MAST4: variants seen among roughly 807,000 people sequenced by gnomAD.
MAST4 encodes microtubule-associated serine/threonine-protein kinase 4.
Under a neutral mutation model 162.7 loss-of-function variants are expected in MAST4, and 89 were observed. That is an observed-to-expected ratio of 0.55 (90% CI 0.46 to 0.65). The LOEUF is 0.65. Ranked by LOEUF, MAST4 falls within the 30% of genes least tolerant of loss-of-function variation. The probability of loss-of-function intolerance (pLI) is 0.00; values close to 1 mark genes in which losing one functional copy is unlikely to be tolerated. For missense variants in MAST4, 3,153 were observed against 3,374.0 expected (o/e 0.93, Z 1.62); for synonymous variants, 1,479 against 1,361.1 (o/e 1.09, Z -1.91).
intron 4 of MAST4, among the ~76,000 whole-genome samples, chr5:67,015,558 G>A (rs559959466): frequency 3.3e-5 from 5 of 152,168 alleles, no homozygotes; most frequent in Middle Eastern, 3.2e-3. Context: ...TGTTTTTGCC[G>A]TCTAGTCCTA....
chr5:66,997,030 T>G (rs868503479), intron 4 of MAST4, among the ~76,000 whole-genome samples: 2 of 152,224 alleles, frequency 1.3e-5, no homozygotes, highest in Non-Finnish European at 2.9e-5. Context: ...TACCTTTGGC[T>G]TTTTCCCAAC....
chr5:66,860,884 C>T (rs1760065004), intron 3 of MAST4, among the ~76,000 whole-genome samples: 1 of 151,892 alleles, frequency 6.6e-6, no homozygotes, highest in Non-Finnish European at 1.5e-5. Context: ...AGTATGCTGA[C>T]AGCATGGGAA....
chr5:66,795,490 G>T (rs983288919), intron 3 of MAST4, among the ~76,000 whole-genome samples: 2 of 152,128 alleles, frequency 1.3e-5, no homozygotes, highest in Non-Finnish European at 2.9e-5. Context: ...TAGGAATGCC[G>T]TACAAATTTA....
intron 21 of MAST4, 151 bp downstream of exon 21, chr5:67,142,684 C>T (rs1192952213): frequency 3.3e-6 from 2 of 607,814 alleles, no homozygotes; most frequent in Admixed American, 3.0e-5. Context: ...AAGTGACCTC[C>T]TCAACTTATA....
At chr5:67,081,874 ATG>A (rs749422987) in intron 5 of MAST4, among the ~76,000 whole-genome samples, 10 of 152,206 alleles carry the variant, frequency 6.6e-5, no homozygotes, top group Non-Finnish European at 1.2e-4. Flanking sequence ...GACATTTTAA[ATG>A]TGTTTCAGAA....
chr5:66,920,279 G>A (rs974294588), intron 4 of MAST4, among the ~76,000 whole-genome samples: 3 of 151,804 alleles, frequency 2.0e-5, no homozygotes, highest in Non-Finnish European at 2.9e-5. Flanking sequence ...CCCTACTCTC[G>A]TTTGAATCAT....
Position 67,165,167 on chromosome 5 carries a change from C to T in MAST4, c.5988C>T (p.Pro1996=), listed in dbSNP as rs747278265. The change falls in exon 29 of 29, where the codon CCC becomes CCT. Residue 1996 remains proline, a synonymous_variant. Transcript: ENST00000403625. ...SAARADTCRE[P]SMELCFPETA... is the part of the protein sequence containing the mutation. ...CGAGGGCTGACACATGCAGAGAGCCCTCCATGGAACTGTGCTTTCCAGAAA... is the reference window on the plus strand; with the variant it reads ...CGAGGGCTGACACATGCAGAGAGCCTTCCATGGAACTGTGCTTTCCAGAAA... 1 of 1,601,746 alleles carries T rather than the reference C, an allele frequency of 6.2e-7. No individual in the cohort carries two copies. The highest frequency in any genetic ancestry group is 1.1e-5 in the South Asian group (1 of 89,244).
At chr5:66,919,950 TTCCTTCCTTCCTTCCTTCC>T (rs1764406408) in intron 4 of MAST4, among the ~76,000 whole-genome samples, 1 of 133,358 alleles carries the variant, frequency 7.5e-6, no homozygotes, top group African/African-American at 3.1e-5. Flanking sequence ...CCTTCCTTCC[TTCCTTCCTTCCTTCCTTCC>T]TTCCTTCTTT....
At chr5:67,045,652 G>A (rs1254746886) in intron 4 of MAST4, among the ~76,000 whole-genome samples, 1 of 152,164 alleles carries the variant, frequency 6.6e-6, no homozygotes, top group East Asian at 1.9e-4. Context: ...GCAAAATTAA[G>A]TAGAGAGTTT....
chr5:66,987,117 T>G (rs1581116241), intron 4 of MAST4, among the ~76,000 whole-genome samples: 2 of 144,434 alleles, frequency 1.4e-5, no homozygotes, highest in African/African-American at 4.9e-5. Context: ...TTAGCTGAGG[T>G]TTTTTTTTAA....
chr5:66,642,594 CAA>C (rs1745558223), intron 1 of MAST4, among the ~76,000 whole-genome samples: 1 of 152,126 alleles, frequency 6.6e-6, no homozygotes, highest in African/African-American at 2.4e-5. Flanking sequence ...ACAGAGGAAA[CAA>C]GAATGACTGC....
intron 3 of MAST4, among the ~76,000 whole-genome samples, chr5:66,884,910 T>A (rs1761938321): frequency 6.6e-6 from 1 of 152,226 alleles, no homozygotes; most frequent in Admixed American, 6.5e-5. Flanking sequence ...AGGGCACAGT[T>A]AATAACGTCT....
At chr5:67,062,161 G>A (rs1235400571) in intron 5 of MAST4, among the ~76,000 whole-genome samples, 1 of 152,190 alleles carries the variant, frequency 6.6e-6, no homozygotes, top group African/African-American at 2.4e-5. Context: ...AAGCACTTTG[G>A]GAGGCTGAGG....
chr5:66,763,173 G>A (rs1219030279), intron 2 of MAST4, among the ~76,000 whole-genome samples: 1 of 152,080 alleles, frequency 6.6e-6, no homozygotes, highest in Admixed American at 6.6e-5. Flanking sequence ...CAGAGTTCAT[G>A]CTCACAACTG....
chr5:66,759,419 A>G (rs1420725525), intron 1 of MAST4, among the ~76,000 whole-genome samples: 1 of 152,186 alleles, frequency 6.6e-6, no homozygotes, highest in Non-Finnish European at 1.5e-5. Context: ...TATTGCATTA[A>G]AAAACACCAG....
At position 67,152,749 on chromosome 5, in the gene MAST4, C is replaced by T; in HGVS notation, c.3408C>T (p.Ala1136=). 6.2e-7 allele frequency: 1 copy of T among 1,614,074 alleles called. No homozygotes were observed. The highest frequency in any genetic ancestry group is 8.5e-7 in the Non-Finnish European group (1 of 1,179,898). ...GCCGAGATTCCTCAGCAGCTTCTGC[C>T]AGTCCACATCAGCCGATTGTGATCC... ...SPSRDSSAAS[A]SPHQPIVIHS... is the part of the protein sequence containing the mutation. The change falls in exon 25 of 29, where the codon GCC becomes GCT. Residue 1136 remains alanine, a synonymous_variant. Coordinates refer to ENST00000403625, the MANE Select transcript of MAST4 (RefSeq NM_001164664.2).
chr5:66,895,297 C>T (rs1762610915), intron 3 of MAST4, among the ~76,000 whole-genome samples: 2 of 152,282 alleles, frequency 1.3e-5, no homozygotes, highest in African/African-American at 4.8e-5. Flanking sequence ...GGCGAAGTCC[C>T]TGTGGCTTTG....
At chr5:66,909,067 T>C (rs945227208) in intron 4 of MAST4, among the ~76,000 whole-genome samples, 55 of 152,288 alleles carry the variant, frequency 3.6e-4, no homozygotes, top group African/African-American at 1.3e-3. Context: ...TTTGTCCTGT[T>C]GAGTTAGACA....
intron 3 of MAST4, among the ~76,000 whole-genome samples, chr5:66,837,915 T>A (rs1445672216): frequency 8.3e-6 from 1 of 120,768 alleles, no homozygotes; most frequent in African/African-American, 2.9e-5. Context: ...TTTTTTTTTT[T>A]TTAATGTGGA....
Sources: gnomAD v4.1 joint callset for allele counts (sites outside exome capture counted in the v4.1 genomes callset) on GRCh38, gnomAD v4.1.1 for gene constraint, MANE v1.5 for transcripts, NCBI Gene and HGNC (gene_info 2026-07-23, HGNC 2026-07-21) for gene names.